MET: variants seen among roughly 807,000 people sequenced by gnomAD.
MET encodes the protein hepatocyte growth factor receptor.
A neutral mutation model predicts 133.1 loss-of-function variants in MET; 48 were observed. That is an observed-to-expected ratio of 0.36 (90% CI 0.29 to 0.46). The LOEUF is 0.46. MET is among the 20% of genes least tolerant of loss of function. The probability of loss-of-function intolerance (pLI) is 1.00; values close to 1 mark genes in which losing one functional copy is unlikely to be tolerated. For missense variants in MET, 1,442 were observed against 1,695.9 expected (o/e 0.85, Z 2.63); for synonymous variants, 628 against 616.5 (o/e 1.02, Z -0.28).
Position 116,700,062 on chromosome 7 carries a change from G to C in MET, c.978G>C (p.Gly326=), listed in dbSNP as rs769507421. Residue 326 remains glycine, a synonymous_variant, in exon 2 of 21, where the codon GGG becomes GGC. Coordinates refer to ENST00000397752, the MANE Select transcript of MET (RefSeq NM_000245.4). The part of the protein sequence containing the change: ...ILQAAYVSKP[G]AQLARQIGAS... ...AGGCTGCGTATGTCAGCAAGCCTGG[G>C]GCCCAGCTTGCTAGACAAATAGGAG... The C allele has an allele frequency of 6.2e-7, 1 of 1,613,516 alleles. No homozygotes were observed. Among genetic ancestry groups the C allele is most frequent in the Non-Finnish European group, 8.5e-7 (1 of 1,179,836 alleles).
chr7:116,785,667 A>G (rs1005165364), intron 19 of MET, among the ~76,000 whole-genome samples: 1 of 152,204 alleles, frequency 6.6e-6, no homozygotes, highest in African/African-American at 2.4e-5. Context: ...TCTCCAAGAC[A>G]ACTTGAAAGG....
chr7:116,740,840 T>C lies in MET; in HGVS notation c.1528-12T>C, dbSNP rs2116833442. On this transcript the variant is annotated splice_polypyrimidine_tract_variant and intron_variant, in intron 4 of 20. Coordinates refer to ENST00000397752, the MANE Select transcript of MET (RefSeq NM_000245.4). Reference sequence around the variant, plus strand: ...CCCCTCTGGAAGCTCTTTCCACCCCTTCTCTTCACAGATCACGAAGATCCC... The same window carrying C: ...CCCCTCTGGAAGCTCTTTCCACCCCCTCTCTTCACAGATCACGAAGATCCC... 6.2e-7 allele frequency: 1 copy of C among 1,613,940 alleles called. No homozygotes were observed. The highest frequency in any genetic ancestry group is 8.5e-7 in the Non-Finnish European group (1 of 1,180,004).
At chr7:116,686,838 C>T (rs1010238751) in intron 1 of MET, among the ~76,000 whole-genome samples, 1 of 152,166 alleles carries the variant, frequency 6.6e-6, no homozygotes, top group Non-Finnish European at 1.5e-5. Context: ...CCCAGGTGCC[C>T]GTGTGTGAGT....
At chr7:116,698,628 C>T (rs1057136692) in intron 1 of MET, among the ~76,000 whole-genome samples, 3 of 152,172 alleles carry the variant, frequency 2.0e-5, no homozygotes, top group Admixed American at 6.5e-5. Context: ...GCTGTGATTT[C>T]TAGAATAAAT....
chr7:116,711,891 G>C (rs1452679711), intron 2 of MET, among the ~76,000 whole-genome samples: 1 of 152,196 alleles, frequency 6.6e-6, no homozygotes, highest in Non-Finnish European at 1.5e-5. Context: ...TAAACTCTGG[G>C]GGGAGGGGCA....
intron 1 of MET, chr7:116,695,712 T>G: frequency 2.2e-6 from 1 of 462,876 alleles, no homozygotes; most frequent in Non-Finnish European, 4.4e-6. Flanking sequence ...AGTTTGCTTA[T>G]CTAGAAGAGA....
At chr7:116,675,533 ATAACATCT>A (rs1796125145) in intron 1 of MET, among the ~76,000 whole-genome samples, 1 of 152,186 alleles carries the variant, frequency 6.6e-6, no homozygotes, top group Non-Finnish European at 1.5e-5. Flanking sequence ...GGCAAGTCTG[ATAACATCT>A]TAACATTCTT....
chr7:116,740,609 GGC>G (rs2116831800), intron 4 of MET, among the ~76,000 whole-genome samples: 1 of 152,192 alleles, frequency 6.6e-6, no homozygotes, highest in South Asian at 2.1e-4. Flanking sequence ...AACATTGTGT[GGC>G]AATGCTATGC....
chr7:116,723,738 T>G (rs563463841), intron 2 of MET, among the ~76,000 whole-genome samples: 248 of 152,112 alleles, frequency 1.6e-3, no homozygotes, highest in Non-Finnish European at 2.7e-3. Context: ...TGGAGTACCC[T>G]GCCGTGTGAG....
chr7:116,733,868 T>C (rs1415493708), intron 3 of MET, among the ~76,000 whole-genome samples: 1 of 152,192 alleles, frequency 6.6e-6, no homozygotes, highest in African/African-American at 2.4e-5. Context: ...TACCTGATAA[T>C]AATAGTACCT....
chr7:116,700,655 A>G (rs1318721401), intron 2 of MET, among the ~76,000 whole-genome samples: 1 of 152,200 alleles, frequency 6.6e-6, no homozygotes, highest in Non-Finnish European at 1.5e-5. Flanking sequence ...CCCATAAAAC[A>G]TAATTATTGA....
chr7:116,779,993 C>T (rs1341391355), intron 17 of MET, among the ~76,000 whole-genome samples: 1 of 152,126 alleles, frequency 6.6e-6, no homozygotes, highest in East Asian at 1.9e-4. Flanking sequence ...CACCCTCATC[C>T]CATTAGAATG....
At chr7:116,779,531 C>A (rs749082857) in intron 17 of MET, among the ~76,000 whole-genome samples, 3 of 152,172 alleles carry the variant, frequency 2.0e-5, no homozygotes, top group Admixed American at 6.5e-5. Context: ...TGACCACCCA[C>A]CCTCATGGCT....
chr7:116,758,616 A>G lies in MET; in HGVS notation c.2260A>G (p.Ile754Val), dbSNP rs1060503539. Residue 754 changes from isoleucine (I) to valine (V), a missense_variant, in exon 9 of 21, where the codon ATT (isoleucine) becomes GTT (valine). By Grantham distance (29) the Ile-to-Val change is conservative (BLOSUM62 3). This residue lies in a region of MET where 514 missense variants were observed against 659.6 expected (regional missense o/e 0.78). Coordinates refer to ENST00000397752, the MANE Select transcript of MET (RefSeq NM_000245.4). ...VYEIHPTKSF[I>V]SGGSTITGVG... ...TGAAATTCATCCAACCAAATCTTTT[A>G]TTAGGTAAGTAGAAGCTTCTGATGG... 2 of 1,613,438 alleles carry G rather than the reference A, an allele frequency of 1.2e-6. No individual in the cohort carries two copies. The highest frequency in any genetic ancestry group is 1.7e-5 in the Admixed American group (1 of 59,954).
At chr7:116,794,773 G>A (rs188835223) in intron 19 of MET, among the ~76,000 whole-genome samples, 3 of 152,318 alleles carry the variant, frequency 2.0e-5, no homozygotes, top group East Asian at 3.9e-4. Context: ...CCACAGGGGC[G>A]GCCTCTGCCC....
chr7:116,795,969 A>G lies in MET; in HGVS notation c.4018A>G (p.Ile1340Val), dbSNP rs1060503543. 2 of 1,614,036 alleles carry G rather than the reference A, an allele frequency of 1.2e-6. No homozygotes were observed. The highest frequency in any genetic ancestry group is 1.7e-6 in the Non-Finnish European group (2 of 1,180,010). ...TGAACTGGTGTCCCGGATATCAGCG[A>G]TCTTCTCTACTTTCATTGGGGAGCA... is the stretch of plus-strand genomic sequence containing the variant. ...FSELVSRISA[I>V]FSTFIGEHYV... is the part of the protein sequence containing the mutation. Residue 1340 changes from isoleucine to valine, a missense_variant, in exon 21 of 21, where the codon ATC becomes GTC. Coordinates refer to ENST00000397752, the MANE Select transcript of MET (RefSeq NM_000245.4).
intron 19 of MET, among the ~76,000 whole-genome samples, chr7:116,787,810 C>T (rs778359072): frequency 2.0e-5 from 3 of 152,070 alleles, no homozygotes; most frequent in African/African-American, 7.2e-5. Context: ...ACCAAAGAGA[C>T]GTAAGAATAG....
chr7:116,696,641 G>T (rs1213780293), intron 1 of MET, among the ~76,000 whole-genome samples: 1 of 152,164 alleles, frequency 6.6e-6, no homozygotes, highest in East Asian at 1.9e-4. Flanking sequence ...TCAACTGTGG[G>T]TATCCCCTAA....
chr7:116,685,040 A>G (rs184684467), intron 1 of MET, among the ~76,000 whole-genome samples: 270 of 152,280 alleles, frequency 1.8e-3, no homozygotes, highest in Non-Finnish European at 3.5e-3. Flanking sequence ...GATGTCCTAG[A>G]AATATGGGAC....
Sources: allele counts gnomAD v4.1 joint callset (sites outside exome capture counted in the v4.1 genomes callset), GRCh38; gene constraint gnomAD v4.1.1; regional missense constraint gnomAD v4.1.1; transcripts MANE v1.5; gene names NCBI Gene and HGNC (gene_info 2026-07-23, HGNC 2026-07-21).